Variants in TSHZ1 observed in about 807,000 individuals in gnomAD.
The protein encoded by TSHZ1 is teashirt homolog 1.
Under a neutral mutation model 67.1 loss-of-function variants are expected in TSHZ1, and 12 were observed. That is an observed-to-expected ratio of 0.18 (90% confidence interval 0.11 to 0.29). The LOEUF (loss-of-function observed/expected upper bound fraction) is 0.29. Among genes scored for constraint, TSHZ1 ranks in the 10% least tolerant of loss-of-function variants. The probability of loss-of-function intolerance (pLI) is 1.00; values close to 1 mark genes in which losing one functional copy is unlikely to be tolerated. For missense variants in TSHZ1, 1,305 were observed against 1,413.9 expected, an observed-to-expected ratio of 0.92 and a Z score of 1.23; for synonymous variants, 632 against 622.4, an observed-to-expected ratio of 1.02 and a Z score of -0.23.
rs368237649 is a variant in TSHZ1 at position 75,285,468 on chromosome 18, T to C, written c.61T>C (p.Leu21=). 8.7e-6 allele frequency: 13 copies of C among 1,496,966 alleles called. No individual in the cohort carries two copies. Among genetic ancestry groups the C allele is most frequent in the Non-Finnish European group, 9.8e-6 (11 of 1,122,368 alleles). The allele number at this position is 1,496,966 out of a possible 1,614,324, so 92.7% of individuals were successfully genotyped here. A position where few individuals can be genotyped will look rare whatever the true frequency, so the allele number is the denominator to read the frequency against. The change falls in exon 2 of 2, where the codon TTG becomes CTG. Residue 21 remains leucine, a synonymous_variant. Transcript: ENST00000580243. ...RSAAYVPEEE[L]KAAEIDEEHV... is the part of the protein sequence containing the mutation. ...CCTAGCTTATGTTCCTGAGGAAGAA[T>C]TGAAGGCAGCAGAAATAGATGAAGA...
intron 1 of TSHZ1, among the ~76,000 whole-genome samples, chr18:75,259,275 T>G (rs892298076): frequency 6.6e-6 from 1 of 152,172 alleles, no homozygotes; most frequent in African/African-American, 2.4e-5. Flanking sequence ...CCCATGTGAG[T>G]GGCCATTGCA....
chr18:75,279,895 G>T (rs2023664188), intron 1 of TSHZ1, among the ~76,000 whole-genome samples: 1 of 152,184 alleles, frequency 6.6e-6, no homozygotes, highest in Non-Finnish European at 1.5e-5. Context: ...ATTTATTCCA[G>T]TAATGGTGTT....
At position 75,213,113 on chromosome 18, in the gene TSHZ1, C is replaced by T. The variant is rs559093736; in HGVS notation, c.40+1197C>T. On this transcript the variant is annotated intron_variant, in intron 1 of 1. Coordinates refer to ENST00000580243, the MANE Select transcript of TSHZ1 (RefSeq NM_001308210.2). ...ATGTGCACGTGTTCAAGTCTTTATA[C>T]GTGCTTTTTCTGGGGAAGCACTTAA... is the stretch of plus-strand genomic sequence containing the variant. Among the ~76,000 whole-genome samples the T allele has an allele frequency of 5.3e-4, 81 of 152,118 alleles. 1 individual carries two copies. The highest frequency in any genetic ancestry group is 6.2e-4 in the Non-Finnish European group (42 of 68,040).
In TSHZ1 at chr18:75,287,353, A is replaced by G; in HGVS notation, c.1946A>G (p.Lys649Arg). Residue 649 changes from lysine to arginine, a missense_variant, in exon 2 of 2, where the codon AAG (lysine) becomes AGG (arginine). By Grantham distance (26) the Lys-to-Arg change is conservative (BLOSUM62 2). Transcript: ENST00000580243. The surrounding 1 kb of genome is among the most constrained non-coding windows in gnomAD (Gnocchi z 5.0). ...GAGCTGGTGGAGAAGGTCACGGGCA[A>G]GGTCAACATCAAGAAGGAGGAGAGA... ...MEELVEKVTG[K>R]VNIKKEERPP... is the part of the protein sequence containing the mutation. The G allele has an allele frequency of 6.2e-7, 1 of 1,614,136 alleles. No individual in the cohort carries two copies. The highest frequency in any genetic ancestry group is 1.1e-5 in the South Asian group (1 of 91,082).
Position 75,285,496 on chromosome 18 carries a change from A to G in TSHZ1, c.89A>G (p.His30Arg). Residue 30 changes from histidine to arginine, a missense_variant, in exon 2 of 2, where the codon CAC becomes CGC. Transcript: ENST00000580243. The stretch of plus-strand genomic sequence containing the variant: ...AAGGCAGCAGAAATAGATGAAGAGC[A>G]CGTGGAGGATGACGGGCTGTCTTTG... ...ELKAAEIDEE[H>R]VEDDGLSLDI... 1.3e-6 allele frequency: 2 copies of G among 1,521,938 alleles called. No homozygotes were observed. The highest frequency in any genetic ancestry group is 1.3e-5 in the South Asian group (1 of 76,536). The allele number at this position is 1,521,938 out of a possible 1,614,324, so 94.3% of individuals were successfully genotyped here.
intron 1 of TSHZ1, among the ~76,000 whole-genome samples, chr18:75,231,696 G>A (rs1004838563): frequency 5.9e-5 from 9 of 151,840 alleles, no homozygotes; most frequent in South Asian, 2.1e-4. Flanking sequence ...CACCACACCC[G>A]GCTAATTTTT....
chr18:75,222,987 C>T (rs1051700431), intron 1 of TSHZ1, among the ~76,000 whole-genome samples: 3 of 152,176 alleles, frequency 2.0e-5, no homozygotes, highest in Non-Finnish European at 4.4e-5. Flanking sequence ...ACATGGGATC[C>T]TTCCGTTCAT....
At chr18:75,258,646 T>A (rs2023392283) in intron 1 of TSHZ1, among the ~76,000 whole-genome samples, 1 of 152,236 alleles carries the variant, frequency 6.6e-6, no homozygotes, top group East Asian at 1.9e-4. Flanking sequence ...TACTAGACTT[T>A]ACTAAGGTGA....
At chr18:75,238,027 GGC>G (rs2023102142) in intron 1 of TSHZ1, among the ~76,000 whole-genome samples, 1 of 152,048 alleles carries the variant, frequency 6.6e-6, no homozygotes, top group East Asian at 1.9e-4. Context: ...GGTCAGGCTG[GGC>G]ACCTCAGGTG....
chr18:75,269,029 G>A (rs879773971), intron 1 of TSHZ1, among the ~76,000 whole-genome samples: 6 of 152,186 alleles, frequency 3.9e-5, no homozygotes, highest in African/African-American at 9.7e-5. Flanking sequence ...CATGTTGACT[G>A]CCACATGGGC....
At position 75,288,089 on chromosome 18, in the gene TSHZ1, G is replaced by A. The variant is rs146231650; in HGVS notation, c.2682G>A (p.Pro894=). The change falls in exon 2 of 2, where the codon CCG becomes CCA. Residue 894 remains proline, a synonymous_variant. Transcript: ENST00000580243. The surrounding 1 kb of genome is among the most constrained non-coding windows in gnomAD (Gnocchi z 4.9). The stretch of plus-strand genomic sequence containing the variant: ...AGGGCCGGCAGTCCAACTGGAACCC[G>A]CAGCACCTTCTCATCCTGCAGGCCC... ...KRKGRQSNWN[P]QHLLILQAQF... is the part of the protein sequence containing the mutation. 59 of 1,613,268 alleles carry A rather than the reference G, an allele frequency of 3.7e-5. No individual in the cohort carries two copies. Among genetic ancestry groups the A allele is most frequent in the African/African-American group, 2.8e-4 (21 of 74,922 alleles).
At chr18:75,264,484 ATTTTTTT>A (rs60144564) in intron 1 of TSHZ1, among the ~76,000 whole-genome samples, 10 of 146,504 alleles carry the variant, frequency 6.8e-5, no homozygotes, top group African/African-American at 7.6e-5. Context: ...ACACTGACAG[ATTTTTTT>A]TTTTTTTTTT....
intron 1 of TSHZ1, among the ~76,000 whole-genome samples, chr18:75,279,150 C>T (rs1014615896): frequency 3.9e-5 from 6 of 151,970 alleles, no homozygotes; most frequent in African/African-American, 7.3e-5. Context: ...GTCAGGAGGG[C>T]GGGTTCGGGC....
At chr18:75,217,092 C>T (rs2022779399) in intron 1 of TSHZ1, among the ~76,000 whole-genome samples, 1 of 152,170 alleles carries the variant, frequency 6.6e-6, no homozygotes, top group South Asian at 2.1e-4. Context: ...AGGGGTTTGC[C>T]AAGAGTTTTG....
intron 1 of TSHZ1, among the ~76,000 whole-genome samples, chr18:75,253,384 A>T (rs1261227495): frequency 1.3e-5 from 2 of 152,216 alleles, no homozygotes; most frequent in African/African-American, 4.8e-5. Context: ...AACATTGCTG[A>T]ATCAATGGGG....
rs935574270 is a variant in TSHZ1 at position 75,281,134 on chromosome 18, G to A, written c.41-4314G>A. ...CAGGGTTGTCGGGAGCACAGCGTCTGCTGGAAGGGAGAATGTCACGGACCA... is the reference window on the plus strand; with the variant it reads ...CAGGGTTGTCGGGAGCACAGCGTCTACTGGAAGGGAGAATGTCACGGACCA... On this transcript the variant is annotated intron_variant, in intron 1 of 1. Transcript: ENST00000580243. The surrounding 1 kb of genome is among the most constrained non-coding windows in gnomAD (Gnocchi z 5.3). Among the ~76,000 whole-genome samples the A allele has an allele frequency of 6.6e-6, 1 of 152,228 alleles. No individual in the cohort carries two copies. The highest frequency in any genetic ancestry group is 1.5e-5 in the Non-Finnish European group (1 of 68,046).
At chr18:75,230,719 T>C (rs2022987083) in intron 1 of TSHZ1, among the ~76,000 whole-genome samples, 1 of 152,190 alleles carries the variant, frequency 6.6e-6, no homozygotes, top group South Asian at 2.1e-4. Context: ...GACGTCGTCT[T>C]CTTCCCCGAT....
In TSHZ1 at chr18:75,286,062, G is replaced by C. The variant is rs773607044; in HGVS notation, c.655G>C (p.Glu219Gln). ...QQTSSYGLLPEPSLFSTVQLY... is the reference protein window; with the variant it reads ...QQTSSYGLLPQPSLFSTVQLY... ...GACGTCCTCGTATGGGCTGCTTCCT[G>C]AGCCCAGCCTGTTCAGCACCGTGCA... is the stretch of plus-strand genomic sequence containing the variant. The change falls in exon 2 of 2, where the codon GAG (glutamate) becomes CAG (glutamine). Residue 219 changes from glutamate to glutamine, a missense_variant. Physicochemically the swap from Glu to Gln is conservative, Grantham distance 29. Transcript: ENST00000580243. The surrounding 1 kb of genome is among the most constrained non-coding windows in gnomAD (Gnocchi z 5.1). 17 of 1,613,516 alleles carry C rather than the reference G, an allele frequency of 1.1e-5. No individual in the cohort carries two copies. The highest frequency in any genetic ancestry group is 1.4e-5 in the Non-Finnish European group (17 of 1,179,784).
intron 1 of TSHZ1, among the ~76,000 whole-genome samples, chr18:75,264,543 A>G (rs933278739): frequency 1.3e-5 from 2 of 151,582 alleles, no homozygotes; most frequent in African/African-American, 4.9e-5. Flanking sequence ...GGGCTATTTA[A>G]AAGGAATTGC....
Sources: gnomAD v4.1 joint callset for allele counts (sites outside exome capture counted in the v4.1 genomes callset) on GRCh38, gnomAD v4.1.1 for gene constraint, Gnocchi (gnomAD v3.1) non-coding constraint, MANE v1.5 for transcripts, NCBI Gene and HGNC (gene_info 2026-07-23, HGNC 2026-07-21) for gene names.